Variants in CLCN5 observed in about 807,000 individuals in gnomAD.
CLCN5 encodes H(+)/Cl(-) exchange transporter 5.
Under a neutral mutation model 54.0 loss-of-function variants are expected in CLCN5, and 17 were observed. The observed-to-expected ratio is 0.31, with a 90% CI of 0.22 to 0.47. The LOEUF is 0.47. Ranked by LOEUF, CLCN5 falls within the 20% of genes least tolerant of loss-of-function variation. The pLI is 1.00. For synonymous variants in CLCN5, 222 were observed against 233.0 expected, an observed-to-expected ratio of 0.95 and a Z score of 0.43; for missense variants, 448 against 646.7, an observed-to-expected ratio of 0.69 and a Z score of 3.33.
chrX:49,924,169 A>C (rs1271306637), intron 2 of CLCN5, among the ~76,000 whole-genome samples: 1 of 81,808 alleles, frequency 1.2e-5, no homozygotes, highest in African/African-American at 5.6e-5. Flanking sequence ...TTTTGGTTTG[A>C]GCCGGCTCTC....
At chrX:50,046,677 A>G (rs1210754081) in intron 4 of CLCN5, among the ~76,000 whole-genome samples, 1 of 111,402 alleles carries the variant, frequency 9.0e-6, no homozygotes, top group African/African-American at 3.3e-5. Flanking sequence ...AAATGAACTA[A>G]AAGCAGAGGA....
intron 3 of CLCN5, among the ~76,000 whole-genome samples, chrX:49,944,549 A>G (rs1442699523): frequency 9.0e-6 from 1 of 111,587 alleles, no homozygotes; most frequent in Non-Finnish European, 1.9e-5. Context: ...GTTTCTCATA[A>G]ATAGCTCTTA....
At chrX:49,937,165 T>A (rs1557169891) in intron 3 of CLCN5, among the ~76,000 whole-genome samples, 1 of 111,440 alleles carries the variant, frequency 9.0e-6, no homozygotes, top group Admixed American at 9.6e-5. Flanking sequence ...GTATATATTA[T>A]AGGATCCCAC....
chrX:50,086,928 A>G (rs1332563731), intron 11 of CLCN5, 58 bp downstream of exon 11: 2 of 1,059,928 alleles, frequency 1.9e-6, no homozygotes, highest in Non-Finnish European at 2.6e-6. Context: ...TTTGGAGGGC[A>G]GAGCCCAGGT....
chrX:50,072,647 G>A, intron 6 of CLCN5, 59 bp downstream of exon 6: 1 of 873,143 alleles, frequency 1.1e-6, no homozygotes, highest in East Asian at 3.1e-5. Flanking sequence ...TGTCTCTCCC[G>A]TAAGTCCTGA....
intron 2 of CLCN5, among the ~76,000 whole-genome samples, chrX:49,924,269 C>T (rs1025688150): frequency 9.1e-6 from 1 of 110,491 alleles, no homozygotes; most frequent in Non-Finnish European, 1.9e-5. Context: ...TCTCCTGCCT[C>T]AGCCTTCCGA....
intron 3 of CLCN5, among the ~76,000 whole-genome samples, chrX:49,954,629 GTAT>G (rs1927223023): frequency 9.0e-6 from 1 of 110,989 alleles, no homozygotes; most frequent in Non-Finnish European, 1.9e-5. Context: ...TGGGAGAAGT[GTAT>G]GGATGGAGCT....
At chrX:49,929,397 GTGT>G (rs2147251647) in intron 3 of CLCN5, among the ~76,000 whole-genome samples, 1 of 111,963 alleles carries the variant, frequency 8.9e-6, no homozygotes, top group Non-Finnish European at 1.9e-5. Context: ...GTGTTGTCAG[GTGT>G]TGTTTATTTA....
chrX:50,090,992 A>G lies in CLCN5; in HGVS notation c.2360+106A>G, dbSNP rs782231262. On this transcript the variant is annotated intron_variant, in intron 14 of 14. Coordinates refer to ENST00000376091, the MANE Select transcript of CLCN5 (RefSeq NM_001127898.4). ...CCCAGTTTAAATGAACATTAGTAGC[A>G]CTTTTAGGACTTCTTGAAGCTCTGA... 1.6e-5 allele frequency: 10 copies of G among 609,014 alleles called. No individual in the cohort carries two copies. The South Asian group carries it at 2.4e-4, about 14-fold the overall frequency. 50.2% of individuals were successfully genotyped at this position (609,014 alleles called of 1,213,427 possible).
At chrX:49,934,761 T>G (rs1925844074) in intron 3 of CLCN5, among the ~76,000 whole-genome samples, 1 of 111,723 alleles carries the variant, frequency 9.0e-6, no homozygotes, top group African/African-American at 3.3e-5. Flanking sequence ...ACACTGAAGT[T>G]TTCTCTTTCT....
At chrX:49,964,249 C>T (rs1230022333) in intron 3 of CLCN5, among the ~76,000 whole-genome samples, 1 of 112,460 alleles carries the variant, frequency 8.9e-6, no homozygotes, top group Non-Finnish European at 1.9e-5. Context: ...TAAGTAAAGT[C>T]ACTGCATGTT....
chrX:50,038,219 A>G (rs1460357369), intron 3 of CLCN5, among the ~76,000 whole-genome samples: 1 of 112,160 alleles, frequency 8.9e-6, no homozygotes, highest in African/African-American at 3.2e-5. Flanking sequence ...TATAAATTGA[A>G]TATAATTTTA....
chrX:50,056,692 G>A (rs1333932866), intron 4 of CLCN5, among the ~76,000 whole-genome samples: 1 of 111,438 alleles, frequency 9.0e-6, no homozygotes, highest in African/African-American at 3.3e-5. Flanking sequence ...GGAATAAGAG[G>A]ACTACAAGAG....
chrX:50,036,445 G>A (rs1557186540), intron 3 of CLCN5, among the ~76,000 whole-genome samples: 1 of 112,441 alleles, frequency 8.9e-6, no homozygotes, highest in African/African-American at 3.2e-5. Context: ...AATTTAGCTG[G>A]ATTGTTCTGT....
chrX:50,048,409 G>A (rs1365391914), intron 4 of CLCN5, among the ~76,000 whole-genome samples: 1 of 112,719 alleles, frequency 8.9e-6, no homozygotes, highest in African/African-American at 3.2e-5. Flanking sequence ...AGGAAGTTAG[G>A]TTTCACCTCC....
At chrX:50,001,899 G>A (rs1295702074) in intron 3 of CLCN5, among the ~76,000 whole-genome samples, 3 of 109,899 alleles carry the variant, frequency 2.7e-5, no homozygotes, top group Non-Finnish European at 5.7e-5. Flanking sequence ...AATTTACTGG[G>A]CAATGTTGTC....
intron 3 of CLCN5, among the ~76,000 whole-genome samples, chrX:49,976,352 C>G (rs1360311418): frequency 8.9e-6 from 1 of 112,148 alleles, no homozygotes; most frequent in African/African-American, 3.2e-5. Context: ...CTGAGAGGAG[C>G]CAGCACAGAA....
chrX:49,925,064 C>A (rs1925276056), intron 2 of CLCN5, 107 bp from the exon 3 acceptor site: 2 of 432,162 alleles, frequency 4.6e-6, no homozygotes, highest in Non-Finnish European at 8.0e-6. Context: ...ACTACCCATG[C>A]CTGCATATCT....
At chrX:50,035,989 A>ACCCCAAATTCTGGCTGACCTC (rs1931979261) in intron 3 of CLCN5, among the ~76,000 whole-genome samples, 2 of 111,746 alleles carry the variant, frequency 1.8e-5, no homozygotes, top group South Asian at 7.6e-4. Flanking sequence ...TTCCTGGCCT[A>ACCCCAAATTCTGGCTGACCTC]CCCCAAATTC....
Sources: gnomAD v4.1 joint callset for allele counts (sites outside exome capture counted in the v4.1 genomes callset) on GRCh38, gnomAD v4.1.1 for gene constraint, MANE v1.5 for transcripts, NCBI Gene and HGNC (gene_info 2026-07-23, HGNC 2026-07-21) for gene names.